Variants in PTPRO observed in about 807,000 individuals in gnomAD.
PTPRO encodes the protein receptor-type tyrosine-protein phosphatase O.
In PTPRO, 62 loss-of-function variants were observed where a neutral mutation model predicts 145.2. That is an observed-to-expected ratio of 0.43 (90% confidence interval 0.35 to 0.53). The LOEUF (loss-of-function observed/expected upper bound fraction) is 0.53, where lower values mean the gene tolerates loss of function less well. Among genes scored for constraint, PTPRO ranks in the 20% least tolerant of loss-of-function variants. The pLI is 0.01. For missense variants in PTPRO, 1,345 were observed against 1,482.7 expected (o/e 0.91, Z 1.53); for synonymous variants, 565 against 514.7 (o/e 1.10, Z -1.32).
intron 1 of PTPRO, among the ~76,000 whole-genome samples, chr12:15,420,382 C>G (rs1229360130): frequency 6.6e-6 from 1 of 151,538 alleles, no homozygotes; most frequent in Non-Finnish European, 1.5e-5. Flanking sequence ...ATTGCTACCG[C>G]CAGTGTCTGA....
At chr12:15,490,074 C>T (rs1228873458) in intron 2 of PTPRO, among the ~76,000 whole-genome samples, 8 of 152,068 alleles carry the variant, frequency 5.3e-5, no homozygotes, top group Admixed American at 5.2e-4. Context: ...TAGACTTTAA[C>T]CTATAAGTGA....
chr12:15,563,096 A>G (rs1481459383), intron 17 of PTPRO, among the ~76,000 whole-genome samples: 1 of 152,134 alleles, frequency 6.6e-6, no homozygotes, highest in Admixed American at 6.6e-5. Flanking sequence ...GACTGTCATA[A>G]CCATGGCTAA....
intron 1 of PTPRO, chr12:15,439,569 G>A (rs1940698768): frequency 1.1e-5 from 3 of 266,486 alleles, no homozygotes; most frequent in South Asian, 4.0e-5. Context: ...CGGAGGACTC[G>A]GGGGCCCTGG....
At chr12:15,594,773 T>C (rs940507892) in intron 25 of PTPRO, among the ~76,000 whole-genome samples, 164 bp from the exon 26 acceptor site, 15 of 152,182 alleles carry the variant, frequency 9.9e-5, no homozygotes, top group Non-Finnish European at 2.1e-4. Flanking sequence ...AAAATACTTG[T>C]ACAGTTGATT....
rs534871782 is a variant in PTPRO, at chr12:15,354,145, A to C, written c.75+31344A>C. Among the ~76,000 whole-genome samples, 7 of 152,316 alleles carry C rather than the reference A, an allele frequency of 4.6e-5. No individual in the cohort carries two copies. In the South Asian group the frequency reaches 1.2e-3, roughly 27 times the overall value. On this transcript the variant is annotated intron_variant, in intron 1 of 26. Coordinates refer to ENST00000281171, the MANE Select transcript of PTPRO (RefSeq NM_030667.3). ...TTAAAAAAGGGCATTAACAAGGTTA[A>C]ATTTTTCTACACAAATTGATGTAGA... is the stretch of plus-strand genomic sequence containing the variant.
intron 1 of PTPRO, among the ~76,000 whole-genome samples, chr12:15,326,398 A>C (rs1866448541): frequency 1.3e-5 from 2 of 152,220 alleles, no homozygotes; most frequent in South Asian, 4.1e-4. Context: ...ATGATCGAGT[A>C]ATAATCCTTC....
intron 12 of PTPRO, among the ~76,000 whole-genome samples, chr12:15,527,439 A>G (rs1477041122): frequency 6.6e-6 from 1 of 152,148 alleles, no homozygotes; most frequent in Non-Finnish European, 1.5e-5. Context: ...CTGAAGGGAG[A>G]AATAGCTTGA....
At chr12:15,480,943 C>T (rs1042950291) in intron 1 of PTPRO, among the ~76,000 whole-genome samples, 5 of 152,060 alleles carry the variant, frequency 3.3e-5, no homozygotes, top group African/African-American at 1.2e-4. Flanking sequence ...GGTAATTTGT[C>T]CAGAGTATAT....
chr12:15,355,762 T>C (rs947145667), intron 1 of PTPRO, among the ~76,000 whole-genome samples: 2 of 152,230 alleles, frequency 1.3e-5, no homozygotes, highest in African/African-American at 4.8e-5. Flanking sequence ...GGGTTAAACA[T>C]CTTTGTAAGT....
At chr12:15,442,883 A>G (rs1476098264) in intron 1 of PTPRO, among the ~76,000 whole-genome samples, 1 of 151,804 alleles carries the variant, frequency 6.6e-6, no homozygotes, top group Non-Finnish European at 1.5e-5. Context: ...ATATCATTAA[A>G]TTGGCCATGC....
intron 12 of PTPRO, among the ~76,000 whole-genome samples, chr12:15,526,742 T>C (rs7974883): frequency 0.44 from 67,199 of 151,734 alleles, 15,410 homozygotes; most frequent in African/African-American, 0.55. Flanking sequence ...AATATGGATT[T>C]CCTAAATATA....
intron 1 of PTPRO, among the ~76,000 whole-genome samples, chr12:15,412,871 A>T (rs56085934): frequency 0.078 from 11,934 of 152,128 alleles, 532 homozygotes; most frequent in African/African-American, 0.12. Context: ...TCGTCTCACT[A>T]CAAACTTCAC....
intron 1 of PTPRO, among the ~76,000 whole-genome samples, chr12:15,438,307 G>C (rs1940658735): frequency 6.6e-6 from 1 of 152,104 alleles, no homozygotes; most frequent in South Asian, 2.1e-4. Flanking sequence ...GAAAAAACCT[G>C]AATGTAGTGA....
chr12:15,534,800 G>C (rs2136545554), intron 12 of PTPRO, among the ~76,000 whole-genome samples: 1 of 152,262 alleles, frequency 6.6e-6, no homozygotes. Context: ...CAATCCCTCT[G>C]GTTGCTTAAT....
rs181397633 is a variant in PTPRO at position 15,323,139 on chromosome 12, A to G, written c.75+338A>G. Among the ~76,000 whole-genome samples, 542 of 152,236 alleles carry G rather than the reference A, an allele frequency of 3.6e-3. 7 individuals are homozygous for G. Among genetic ancestry groups the G allele is most frequent in the African/African-American group, 0.012 (510 of 41,552 alleles). On this transcript the variant is annotated intron_variant, in intron 1 of 26. Coordinates refer to ENST00000281171, the MANE Select transcript of PTPRO (RefSeq NM_030667.3). The stretch of plus-strand genomic sequence containing the variant: ...GAGGTCACTTTCTTTTCTGGTTTCC[A>G]CTGCACCCCAACGCTGCTTAACCTT...
Position 15,557,484 on chromosome 12 carries a change from T to G in PTPRO, c.2588T>G (p.Phe863Cys). The G allele has an allele frequency of 1.2e-6, 2 of 1,613,944 alleles. No homozygotes were observed. The highest frequency in any genetic ancestry group is 1.7e-6 in the Non-Finnish European group (2 of 1,179,892). ...RECGAGTFVNFASLERDGKLP... is the reference protein window; with the variant it reads ...RECGAGTFVNCASLERDGKLP... The stretch of plus-strand genomic sequence containing the variant: ...TGTGGAGCTGGTACATTTGTCAATT[T>G]TGCATCCTTAGAGAGGGATGGAAAG... Residue 863 changes from phenylalanine to cysteine, a missense_variant, in exon 16 of 27, where the codon TTT becomes TGT. By Grantham distance (205) the Phe-to-Cys change is radical. Transcript: ENST00000281171.
At chr12:15,564,065 G>A (rs1680046528) in intron 17 of PTPRO, among the ~76,000 whole-genome samples, 1 of 152,154 alleles carries the variant, frequency 6.6e-6, no homozygotes, top group Non-Finnish European at 1.5e-5. Flanking sequence ...ACATGATAGT[G>A]TTTTTTGAGG....
chr12:15,449,419 T>A (rs2136375618), intron 1 of PTPRO, among the ~76,000 whole-genome samples: 1 of 152,316 alleles, frequency 6.6e-6, no homozygotes, highest in South Asian at 2.1e-4. Context: ...TTTAACAGTA[T>A]AATGGTGCAT....
intron 1 of PTPRO, among the ~76,000 whole-genome samples, chr12:15,386,073 T>C (rs1246364150): frequency 6.6e-6 from 1 of 152,044 alleles, no homozygotes; most frequent in East Asian, 1.9e-4. Context: ...AATCTAGATC[T>C]TTCTAGCACC....
Sources: gnomAD v4.1 joint callset for allele counts (sites outside exome capture counted in the v4.1 genomes callset) on GRCh38, gnomAD v4.1.1 for gene constraint, MANE v1.5 for transcripts, NCBI Gene and HGNC (gene_info 2026-07-23, HGNC 2026-07-21) for gene names.